CSMD1: variants seen among roughly 807,000 people sequenced by gnomAD.
The protein encoded by CSMD1 is CUB and sushi domain-containing protein 1.
In CSMD1, 213 loss-of-function variants were observed where a neutral mutation model predicts 417.5. That is an observed-to-expected ratio of 0.51 (90% CI 0.46 to 0.57). The LOEUF (loss-of-function observed/expected upper bound fraction) is 0.57, where lower values mean the gene tolerates loss of function less well. CSMD1 is among the 20% of genes least tolerant of loss of function. The pLI is 0.00. For missense variants in CSMD1, 6,923 were observed against 4,529.7 expected (o/e 1.53, Z -15.17); for synonymous variants, 2,862 against 1,736.8 (o/e 1.65, Z -16.11).
At chr8:4,312,166 A>C (rs962815478) in intron 3 of CSMD1, among the ~76,000 whole-genome samples, 2 of 151,916 alleles carry the variant, frequency 1.3e-5, no homozygotes, top group East Asian at 3.9e-4. Flanking sequence ...TCCTACGTGC[A>C]TTTAGTCAGA....
At chr8:3,768,287 G>C (rs765105191) in intron 5 of CSMD1, among the ~76,000 whole-genome samples, 8 of 152,166 alleles carry the variant, frequency 5.3e-5, no homozygotes, top group Admixed American at 1.3e-4. Context: ...GATTGAGCTA[G>C]GTGGTTGGTT....
intron 5 of CSMD1, among the ~76,000 whole-genome samples, chr8:3,953,783 C>A (rs1022110378): frequency 2.5e-4 from 38 of 152,084 alleles, no homozygotes; most frequent in Non-Finnish European, 5.0e-4. Context: ...TCCACAAGCC[C>A]CGCAACACCT....
intron 5 of CSMD1, among the ~76,000 whole-genome samples, chr8:3,895,920 A>G (rs1377260111): frequency 2.0e-5 from 3 of 152,198 alleles, no homozygotes; most frequent in Non-Finnish European, 4.4e-5. Flanking sequence ...CAGGTGGGAG[A>G]GGCACCAACC....
At chr8:4,730,850 A>C (rs1809804815) in intron 1 of CSMD1, among the ~76,000 whole-genome samples, 1 of 152,192 alleles carries the variant, frequency 6.6e-6, no homozygotes, top group Non-Finnish European at 1.5e-5. Flanking sequence ...TAAAGAAATA[A>C]GAGCCGTAAC....
intron 3 of CSMD1, among the ~76,000 whole-genome samples, chr8:4,371,832 G>A (rs1355272146): frequency 1.3e-5 from 2 of 152,202 alleles, no homozygotes; most frequent in Non-Finnish European, 2.9e-5. Flanking sequence ...GAGGAACAGG[G>A]TCAAGTAAAC....
intron 3 of CSMD1, among the ~76,000 whole-genome samples, chr8:4,347,716 G>A (rs562307901): frequency 6.6e-6 from 1 of 152,218 alleles, no homozygotes; most frequent in African/African-American, 2.4e-5. Context: ...ATCTCCTGTA[G>A]CACGTAACTC....
intron 23 of CSMD1, among the ~76,000 whole-genome samples, chr8:3,340,182 T>A (rs1171278848): frequency 6.6e-6 from 1 of 152,154 alleles, no homozygotes; most frequent in Non-Finnish European, 1.5e-5. Flanking sequence ...TGGATTTGGG[T>A]TGCAATTACA....
At chr8:4,046,079 C>T (rs1798131717) in intron 3 of CSMD1, among the ~76,000 whole-genome samples, 1 of 152,076 alleles carries the variant, frequency 6.6e-6, no homozygotes, top group Non-Finnish European at 1.5e-5. Context: ...AATTTATATA[C>T]ACACATTATA....
intron 5 of CSMD1, among the ~76,000 whole-genome samples, chr8:3,926,082 T>TACACACAC (rs58966907): frequency 1.9e-5 from 2 of 103,920 alleles, no homozygotes; most frequent in African/African-American, 3.5e-5. Flanking sequence ...ACAAACACCA[T>TACACACAC]ACACACACAC....
chr8:4,716,061 A>C (rs1362739223), intron 1 of CSMD1, among the ~76,000 whole-genome samples: 1 of 152,202 alleles, frequency 6.6e-6, no homozygotes, highest in Non-Finnish European at 1.5e-5. Flanking sequence ...GAGCTGACAG[A>C]GAAGCTGCTG....
chr8:3,036,517 G>T (rs183523213), intron 50 of CSMD1, among the ~76,000 whole-genome samples: 30 of 152,236 alleles, frequency 2.0e-4, no homozygotes, highest in African/African-American at 7.0e-4. Flanking sequence ...GGAGTAAACT[G>T]ATTTAATCAG....
intron 29 of CSMD1, among the ~76,000 whole-genome samples, chr8:3,218,239 A>T (rs1422332321): frequency 6.6e-6 from 1 of 152,136 alleles, no homozygotes; most frequent in African/African-American, 2.4e-5. Context: ...AAGGGTACAG[A>T]TATGTTGACA....
chr8:4,842,518 A>C lies in CSMD1; in HGVS notation c.85+151814T>G, dbSNP rs576468022. 8.5e-5 allele frequency among the ~76,000 whole-genome samples: 13 copies of C among 152,360 alleles called. No individual in the cohort carries two copies. The South Asian group carries it at 1.9e-3, about 22-fold the overall frequency. On this transcript the variant is annotated intron_variant, in intron 1 of 69. Transcript: ENST00000635120. ...CAGGAAATGACTTACTAAAAAATGT[A>C]GCAAGTGTTCACTTACAGCGAGCAC...
intron 5 of CSMD1, among the ~76,000 whole-genome samples, chr8:3,963,430 G>A (rs1188023012): frequency 6.6e-6 from 1 of 152,158 alleles, no homozygotes; most frequent in East Asian, 1.9e-4. Flanking sequence ...AAAATATCTC[G>A]CTGGTCTCTT....
At chr8:3,413,521 A>T (rs1164883004) in intron 12 of CSMD1, among the ~76,000 whole-genome samples, 1 of 152,132 alleles carries the variant, frequency 6.6e-6, no homozygotes, top group African/African-American at 2.4e-5. Flanking sequence ...CACGGTCCAA[A>T]CTCAGTAGGT....
intron 42 of CSMD1, among the ~76,000 whole-genome samples, chr8:3,112,221 A>G (rs1182088787): frequency 6.6e-6 from 1 of 152,194 alleles, no homozygotes; most frequent in African/African-American, 2.4e-5. Context: ...GAATAACCAG[A>G]GAGCACTTTA....
chr8:3,509,919 C>G (rs1341444784), intron 10 of CSMD1, among the ~76,000 whole-genome samples: 2 of 152,138 alleles, frequency 1.3e-5, no homozygotes, highest in Non-Finnish European at 2.9e-5. Flanking sequence ...GAGGGCAACG[C>G]TTAAGTTGCT....
chr8:3,788,541 A>ATCC (rs1799566562), intron 5 of CSMD1, among the ~76,000 whole-genome samples: 1 of 152,176 alleles, frequency 6.6e-6, no homozygotes, highest in Admixed American at 6.5e-5. Context: ...ATATTTATTC[A>ATCC]ACCATCCATC....
intron 3 of CSMD1, among the ~76,000 whole-genome samples, chr8:4,170,656 G>C (rs116967135): frequency 6.6e-6 from 1 of 151,658 alleles, no homozygotes; most frequent in East Asian, 1.9e-4. Flanking sequence ...TCACTTAAGA[G>C]AAGTAGAATA....
Sources: allele counts gnomAD v4.1 joint callset (sites outside exome capture counted in the v4.1 genomes callset), GRCh38; gene constraint gnomAD v4.1.1; transcripts MANE v1.5; gene names NCBI Gene and HGNC (gene_info 2026-07-23, HGNC 2026-07-21).